The following DMRT3 variants were observed in gnomAD, a reference collection of about 807,000 sequenced individuals.
DMRT3 encodes the protein doublesex- and mab-3-related transcription factor 3.
In DMRT3, 29 loss-of-function variants were observed where a neutral mutation model predicts 34.9. That is an observed-to-expected ratio of 0.83 (90% CI 0.62 to 1.13). The LOEUF is 1.13. Among genes scored for constraint, DMRT3 ranks in the 50% most tolerant of loss-of-function variants. DMRT3 has a pLI of 0.00. For missense variants in DMRT3, 772 were observed against 629.1 expected, an observed-to-expected ratio of 1.23 and a Z score of -2.43; for synonymous variants, 350 against 286.0, an observed-to-expected ratio of 1.22 and a Z score of -2.26.
In DMRT3 at chr9:990,349, T is replaced by G; in HGVS notation, c.763T>G (p.Leu255Val). ...AGCCAACAGACCGCCGCTTGAAGTG[T>G]TAAAAAAGATATTCCCCAACCAGAA... is the stretch of plus-strand genomic sequence containing the variant. ...LKANRPPLEV[L>V]KKIFPNQKPT... The change falls in exon 2 of 2, where the codon TTA (leucine) becomes GTA (valine). Residue 255 changes from leucine (L) to valine (V), a missense_variant. Leu to Val is a conservative substitution (Grantham distance 32). Coordinates refer to ENST00000190165, the MANE Select transcript of DMRT3 (RefSeq NM_021240.4). 7 of 1,613,762 alleles carry G rather than the reference T, an allele frequency of 4.3e-6. No homozygotes were observed. Among genetic ancestry groups the G allele is most frequent in the Non-Finnish European group, 5.9e-6 (7 of 1,180,012 alleles).
chr9:976,910 G>A lies in DMRT3; in HGVS notation c.-92G>A. Reference sequence around the variant, plus strand: ...GGACCAAGGGCCGCGTCGCCCGGAGGCCGCCCCTGAGCGGGCCTCGCAGCC... The same window carrying A: ...GGACCAAGGGCCGCGTCGCCCGGAGACCGCCCCTGAGCGGGCCTCGCAGCC... On this transcript the variant is annotated 5_prime_UTR_variant, in exon 1 of 2. Transcript: ENST00000190165. The surrounding 1 kb of genome is among the most constrained non-coding windows in gnomAD (Gnocchi z 4.5). 7.6e-7 allele frequency: 1 copy of A among 1,318,802 alleles called. No individual in the cohort carries two copies. The highest frequency in any genetic ancestry group is 1.6e-5 in the African/African-American group (1 of 64,406). The allele number at this position is 1,318,802 out of a possible 1,614,324, so 81.7% of individuals were successfully genotyped here. A position where few individuals can be genotyped will look rare whatever the true frequency, so the allele number is the denominator to read the frequency against.
chr9:983,441 C>T (rs746390690), intron 1 of DMRT3, among the ~76,000 whole-genome samples: 3 of 152,154 alleles, frequency 2.0e-5, no homozygotes, highest in Admixed American at 6.5e-5. Flanking sequence ...GAATTATTTG[C>T]TGTATTTCAC....
chr9:983,070 C>G (rs907717294), intron 1 of DMRT3, among the ~76,000 whole-genome samples: 3 of 152,156 alleles, frequency 2.0e-5, no homozygotes, highest in African/African-American at 2.4e-5. Context: ...ATCCTCTTGC[C>G]TGAGCAATGC....
At chr9:978,967 CAAGG>C (rs1563687077) in intron 1 of DMRT3, among the ~76,000 whole-genome samples, 4 of 152,120 alleles carry the variant, frequency 2.6e-5, no homozygotes, top group African/African-American at 9.7e-5. Flanking sequence ...GAACAAATAA[CAAGG>C]AAGAGTTTGG....
intron 1 of DMRT3, among the ~76,000 whole-genome samples, chr9:989,520 C>A (rs1820325842): frequency 6.6e-6 from 1 of 152,184 alleles, no homozygotes; most frequent in Non-Finnish European, 1.5e-5. Context: ...CTGATTGGTT[C>A]ATAAGACATA....
rs1755484980 is a variant in DMRT3 at position 990,493 on chromosome 9, G to C, written c.907G>C (p.Glu303Gln). The C allele has an allele frequency of 1.9e-6, 3 of 1,614,150 alleles. No individual in the cohort carries two copies. Among genetic ancestry groups the C allele is most frequent in the Non-Finnish European group, 2.5e-6 (3 of 1,180,028 alleles). The change falls in exon 2 of 2, where the codon GAG becomes CAG. Residue 303 changes from glutamate (E) to glutamine (Q), a missense_variant. Transcript: ENST00000190165. ...TGAERTSAEP[E>Q]SLALPSNGHI... ...AGCAGAGCGAACTTCCGCAGAACCTGAGAGTCTAGCGTTGCCCTCCAATGG... is the reference window on the plus strand; with the variant it reads ...AGCAGAGCGAACTTCCGCAGAACCTCAGAGTCTAGCGTTGCCCTCCAATGG...
chr9:977,082 C>G lies in DMRT3; in HGVS notation c.81C>G (p.Pro27=), dbSNP rs1303396842. Reference sequence around the variant, plus strand: ...CACGGGCGCCCCTGCAGCGCACGCCCAAGTGCGCGCGCTGCCGCAACCATG... The same window carrying G: ...CACGGGCGCCCCTGCAGCGCACGCCGAAGTGCGCGCGCTGCCGCAACCATG... ...QPPRAPLQRT[P]KCARCRNHGV... The change falls in exon 1 of 2, where the codon CCC becomes CCG. Residue 27 remains proline, a synonymous_variant. Transcript: ENST00000190165. The G allele has an allele frequency of 5.6e-6, 9 of 1,596,288 alleles. No individual in the cohort carries two copies. The highest frequency in any genetic ancestry group is 1.1e-5 in the South Asian group (1 of 88,870).
In DMRT3 at chr9:988,522, G is replaced by A. The variant is rs138897967; in HGVS notation, c.455-1519G>A. On this transcript the variant is annotated intron_variant, in intron 1 of 1. Coordinates refer to ENST00000190165, the MANE Select transcript of DMRT3 (RefSeq NM_021240.4). Reference sequence around the variant, plus strand: ...GTGTAGGAGAAGATGGTTTCTAGAAGGTGCTTTGATGAAATTTCACAAAGT... The same window carrying A: ...GTGTAGGAGAAGATGGTTTCTAGAAAGTGCTTTGATGAAATTTCACAAAGT... Among the ~76,000 whole-genome samples the A allele has an allele frequency of 1.1e-4, 16 of 152,204 alleles. No homozygotes were observed. In the East Asian group the frequency reaches 3.1e-3, roughly 29 times the overall value.
intron 1 of DMRT3, among the ~76,000 whole-genome samples, chr9:989,282 G>A (rs965273002): frequency 6.6e-6 from 1 of 152,184 alleles, no homozygotes; most frequent in East Asian, 1.9e-4. Context: ...ATGCCCCCGT[G>A]CAATTTAACA....
chr9:985,554 A>C (rs1298149170), intron 1 of DMRT3, among the ~76,000 whole-genome samples: 1 of 152,232 alleles, frequency 6.6e-6, no homozygotes, highest in Non-Finnish European at 1.5e-5. Context: ...ACTGGGCTCA[A>C]AACTCACCCT....
Position 981,671 on chromosome 9 carries a change from C to T in DMRT3, c.454+4216C>T, listed in dbSNP as rs563931704. Among the ~76,000 whole-genome samples, 8 of 152,198 alleles carry T rather than the reference C, an allele frequency of 5.3e-5. No individual in the cohort carries two copies. The South Asian group carries it at 1.0e-3, about 20-fold the overall frequency. Reference sequence around the variant, plus strand: ...GCTGTGTGTGTGTTGCGGAGGGTTGCGGCAGCTGGCCCAGGACTGGGACCC... The same window carrying T: ...GCTGTGTGTGTGTTGCGGAGGGTTGTGGCAGCTGGCCCAGGACTGGGACCC... On this transcript the variant is annotated intron_variant, in intron 1 of 1. Transcript: ENST00000190165.
Position 990,436 on chromosome 9 carries a change from G to C in DMRT3, c.850G>C (p.Val284Leu). The C allele has an allele frequency of 6.2e-7, 1 of 1,614,140 alleles. No individual in the cohort carries two copies. Among genetic ancestry groups the C allele is most frequent in the Non-Finnish European group, 8.5e-7 (1 of 1,180,022 alleles). Residue 284 changes from valine (V) to leucine (L), a missense_variant, in exon 2 of 2, where the codon GTC (valine) becomes CTC (leucine). Physicochemically the swap from Val to Leu is conservative, Grantham distance 32. Coordinates refer to ENST00000190165, the MANE Select transcript of DMRT3 (RefSeq NM_021240.4). ...CGGGGACCTGGTGAGCGCCGTGGAA[G>C]TCCTTCTGTCCAGCCGATCCTCAGT... ...CGGDLVSAVE[V>L]LLSSRSSVTG... is the part of the protein sequence containing the mutation.
intron 1 of DMRT3, among the ~76,000 whole-genome samples, chr9:984,043 TTCA>T (rs1820253461): frequency 6.6e-6 from 1 of 152,144 alleles, no homozygotes; most frequent in Non-Finnish European, 1.5e-5. Context: ...TTTAAAATAA[TTCA>T]TCACTTCTAG....
In DMRT3 at chr9:990,818, T is replaced by A. The variant is rs532093016; in HGVS notation, c.1232T>A (p.Phe411Tyr). ...CTGAGGTCCCAGTATGTCAGTCCTT[T>A]CCCCAGTAACTCTACCAGCGTCTTC... ...YQLRSQYVSPFPSNSTSVFRS... is the reference protein window; with the variant it reads ...YQLRSQYVSPYPSNSTSVFRS... Residue 411 changes from phenylalanine to tyrosine, a missense_variant, in exon 2 of 2, where the codon TTC (phenylalanine) becomes TAC (tyrosine). Physicochemically the swap from Phe to Tyr is conservative, Grantham distance 22. Transcript: ENST00000190165. 5.0e-6 allele frequency: 8 copies of A among 1,614,114 alleles called. No homozygotes were observed. Among genetic ancestry groups the A allele is most frequent in the African/African-American group, 1.3e-5 (1 of 75,022 alleles).
At chr9:979,743 T>C (rs1358563099) in intron 1 of DMRT3, among the ~76,000 whole-genome samples, 4 of 152,114 alleles carry the variant, frequency 2.6e-5, no homozygotes, top group Admixed American at 1.3e-4. Flanking sequence ...CTATTTGGGG[T>C]TTAAGCTGAA....
rs1345574865 is a variant in DMRT3 at position 976,998 on chromosome 9, G to A, written c.-4G>A. ...GGCTGCCAACTCATTCGGGAGCCCG[G>A]GGCATGAACGGCTACGGCTCCCCCT... is the stretch of plus-strand genomic sequence containing the variant. On this transcript the variant is annotated 5_prime_UTR_variant, in exon 1 of 2. Transcript: ENST00000190165. This position sits in a 1 kb window ranked among gnomAD's most constrained non-coding sequence, Gnocchi z 4.5. The A allele has an allele frequency of 6.7e-7, 1 of 1,490,798 alleles. No individual in the cohort carries two copies. 92.3% of individuals were successfully genotyped at this position (1,490,798 alleles called of 1,614,324 possible). A position where few individuals can be genotyped will look rare whatever the true frequency, so the allele number is the denominator to read the frequency against.
At chr9:986,571 G>C (rs923224722) in intron 1 of DMRT3, among the ~76,000 whole-genome samples, 3 of 152,104 alleles carry the variant, frequency 2.0e-5, no homozygotes, top group African/African-American at 7.2e-5. Flanking sequence ...AAAACACAAA[G>C]CTATTTGGTT....
intron 1 of DMRT3, among the ~76,000 whole-genome samples, chr9:980,450 C>G (rs896937446): frequency 5.6e-5 from 7 of 124,420 alleles, no homozygotes; most frequent in African/African-American, 2.0e-4. Flanking sequence ...CTTTGATTAC[C>G]ATCTACGATG....
chr9:979,809 T>G (rs1509189), intron 1 of DMRT3, among the ~76,000 whole-genome samples: 40,135 of 152,090 alleles, frequency 0.26, 5,809 homozygotes, highest in African/African-American at 0.35. Context: ...TTTTTGCAGT[T>G]GTTCTAATAA....
Sources: allele counts gnomAD v4.1 joint callset (sites outside exome capture counted in the v4.1 genomes callset), GRCh38; gene constraint gnomAD v4.1.1; non-coding constraint Gnocchi (gnomAD v3.1); transcripts MANE v1.5; gene names NCBI Gene and HGNC (gene_info 2026-07-23, HGNC 2026-07-21).